The following SAA1 variants were observed in gnomAD, a reference collection of about 807,000 sequenced individuals.
SAA1 encodes the protein serum amyloid A1.
SAA1 carries 4 observed loss-of-function variants against 9.8 expected under a neutral mutation model. The observed-to-expected ratio is 0.41, with a 90% CI of 0.20 to 0.93. The LOEUF (loss-of-function observed/expected upper bound fraction) is 0.93. SAA1 is among the 40% of genes least tolerant of loss of function. SAA1 has a pLI of 0.33. For missense variants in SAA1, 114 were observed against 155.5 expected (o/e 0.73, Z 1.42); for synonymous variants, 47 against 57.7 (o/e 0.82, Z 0.84).
intron 2 of SAA1, among the ~76,000 whole-genome samples, chr11:18,268,856 A>AG: frequency 1.6e-5 from 1 of 63,656 alleles, no homozygotes; most frequent in South Asian, 4.4e-4. Context: ...AAAAAAAAAA[A>AG]AAAAAAAGAA....
At chr11:18,268,378 A>T (rs1858098741) in intron 2 of SAA1, among the ~76,000 whole-genome samples, 1 of 151,448 alleles carries the variant, frequency 6.6e-6, no homozygotes, top group African/African-American at 2.4e-5. Flanking sequence ...TCTAAAAAAA[A>T]TGAAAAAGAA....
chr11:18,269,444 T>C, intron 3 of SAA1, 111 bp downstream of exon 3: 4 of 1,533,168 alleles, frequency 2.6e-6, no homozygotes, highest in Middle Eastern at 3.6e-4. Flanking sequence ...CGGCCCCTCC[T>C]CCTCTTGCCC....
chr11:18,266,681 T>C (rs1233196860), intron 1 of SAA1, among the ~76,000 whole-genome samples: 1 of 152,050 alleles, frequency 6.6e-6, no homozygotes, highest in East Asian at 1.9e-4. Context: ...GGCATCCTCT[T>C]ATGCAGTCAG....
In SAA1 at chr11:18,267,755, C is replaced by T. The variant is rs1858077370; in HGVS notation, c.91+777C>T. ...TTTCTCATTTAGTTTCAGAATGACT[C>T]TGTGACGCAATCTTCCTCTCTTGGA... On this transcript the variant is annotated intron_variant, in intron 2 of 3. Transcript: ENST00000356524. 1.8e-5 allele frequency among the ~76,000 whole-genome samples: 2 copies of T among 112,744 alleles called. 1 individual carries two copies. Among genetic ancestry groups the T allele is most frequent in the South Asian group, 5.6e-4 (2 of 3,594 alleles). The allele number at this position is 112,744 out of a possible 152,430, so 74.0% of individuals were successfully genotyped here. A position where few individuals can be genotyped will look rare whatever the true frequency, so the allele number is the denominator to read the frequency against.
chr11:18,269,201 G>A lies in SAA1; in HGVS notation c.98G>A (p.Arg33Gln), dbSNP rs774813564. Residue 33 changes from arginine (R) to glutamine (Q), a missense_variant, in exon 3 of 4, where the codon CGG becomes CAG. Around this residue, in one of 2 missense-constraint regions of SAA1, gnomAD observed 46 missense variants for 100.8 expected, o/e 0.46. Coordinates refer to ENST00000356524, the MANE Select transcript of SAA1 (RefSeq NM_199161.5). ...SFLGEAFDGA[R>Q]DMWRAYSDMR... ...CCTTTCCTTTCCTTTCCAGGGGCTCGGGACATGTGGAGAGCCTACTCTGAC... is the reference window on the plus strand; with the variant it reads ...CCTTTCCTTTCCTTTCCAGGGGCTCAGGACATGTGGAGAGCCTACTCTGAC... 1.7e-5 allele frequency: 27 copies of A among 1,583,136 alleles called. No individual in the cohort carries two copies. Among genetic ancestry groups the A allele is most frequent in the East Asian group, 1.6e-4 (7 of 44,800 alleles).
At chr11:18,269,068 G>T in intron 2 of SAA1, 127 bp from the exon 3 acceptor site, 1 of 1,428,898 alleles carries the variant, frequency 7.0e-7, no homozygotes, top group Non-Finnish European at 9.4e-7. Context: ...GGTATCCAAG[G>T]CTGCTATGAT....
At position 18,269,937 on chromosome 11, in the gene SAA1, T is replaced by A. The variant is rs1439491333; in HGVS notation, c.*82T>A. On this transcript the variant is annotated 3_prime_UTR_variant, in exon 4 of 4. Transcript: ENST00000356524. ...TACAAAGCGGGGAGAGGGTACACAATGGGTATCTAATAAATACTTAAGAGG... is the reference window on the plus strand; with the variant it reads ...TACAAAGCGGGGAGAGGGTACACAAAGGGTATCTAATAAATACTTAAGAGG... The A allele has an allele frequency of 8.9e-6, 14 of 1,581,586 alleles. No individual in the cohort carries two copies. Among genetic ancestry groups the A allele is most frequent in the Admixed American group, 1.8e-5 (1 of 56,692 alleles).
intron 2 of SAA1, among the ~76,000 whole-genome samples, chr11:18,268,710 G>A (rs1308991819): frequency 1.3e-5 from 2 of 152,152 alleles, no homozygotes; most frequent in African/African-American, 4.8e-5. Flanking sequence ...GCGCATGCCT[G>A]TAATCTCAGC....
intron 3 of SAA1, 125 bp downstream of exon 3, chr11:18,269,458 C>A: frequency 6.6e-7 from 1 of 1,505,038 alleles, no homozygotes; most frequent in South Asian, 1.3e-5. Flanking sequence ...CTTGCCCTCT[C>A]TCTGCCTCTG....
Position 18,269,956 on chromosome 11 carries a change from TAAG to T in SAA1, c.*103_*105del. ...ACACAATGGGTATCTAATAAATACT[TAAG>T]AGGTGGAATTTGTGGAAACTGGGTG... On this transcript the variant is annotated 3_prime_UTR_variant, in exon 4 of 4. Transcript: ENST00000356524. 6.5e-7 allele frequency: 1 copy of T among 1,547,986 alleles called. No individual in the cohort carries two copies. The highest frequency in any genetic ancestry group is 1.4e-5 in the African/African-American group (1 of 73,196).
chr11:18,269,912 T>C lies in SAA1; in HGVS notation c.*57T>C. On this transcript the variant is annotated 3_prime_UTR_variant, in exon 4 of 4. Transcript: ENST00000356524. Reference sequence around the variant, plus strand: ...GGCTGTGAGGCCCTCAGGGCAGGGATACAAAGCGGGGAGAGGGTACACAAT... The same window carrying C: ...GGCTGTGAGGCCCTCAGGGCAGGGACACAAAGCGGGGAGAGGGTACACAAT... 10 of 1,605,316 alleles carry C rather than the reference T, an allele frequency of 6.2e-6. No homozygotes were observed. In the East Asian group the frequency reaches 1.8e-4, roughly 29 times the overall value.
At chr11:18,268,249 GTA>G (rs1344231253) in intron 2 of SAA1, among the ~76,000 whole-genome samples, 1 of 152,100 alleles carries the variant, frequency 6.6e-6, no homozygotes, top group Non-Finnish European at 1.5e-5. Flanking sequence ...GCAGGCACCT[GTA>G]ATCCCAGCTA....
rs1228585438 is a variant in SAA1, at chr11:18,267,749, A to G, written c.91+771A>G. Among the ~76,000 whole-genome samples the G allele has an allele frequency of 2.7e-5, 3 of 112,694 alleles. 1 individual carries two copies. Among genetic ancestry groups the G allele is most frequent in the Non-Finnish European group, 6.0e-5 (3 of 49,846 alleles). 73.9% of individuals were successfully genotyped at this position (112,694 alleles called of 152,430 possible). A position where few individuals can be genotyped will look rare whatever the true frequency, so the allele number is the denominator to read the frequency against. Reference sequence around the variant, plus strand: ...CAGCATTTTCTCATTTAGTTTCAGAATGACTCTGTGACGCAATCTTCCTCT... The same window carrying G: ...CAGCATTTTCTCATTTAGTTTCAGAGTGACTCTGTGACGCAATCTTCCTCT... On this transcript the variant is annotated intron_variant, in intron 2 of 3. Transcript: ENST00000356524.
chr11:18,267,380 C>T (rs1177505320), intron 2 of SAA1, among the ~76,000 whole-genome samples: 1 of 55,246 alleles, frequency 1.8e-5, no homozygotes, highest in Non-Finnish European at 3.7e-5. Context: ...AGCTGCTAAA[C>T]AGATTAGAGA....
rs1858158399 is a variant in SAA1, at chr11:18,269,620, C to T, written c.231-97C>T. 2.6e-6 allele frequency: 4 copies of T among 1,525,564 alleles called. No homozygotes were observed. In the Admixed American group the frequency reaches 7.2e-5, roughly 28 times the overall value. 94.5% of individuals were successfully genotyped at this position (1,525,564 alleles called of 1,614,324 possible). ...CCTCCTTCCTTGGCCTTTCTGGGCT[C>T]CTCTCTGAGCCCTCCCTTGGAACAG... On this transcript the variant is annotated intron_variant, in intron 3 of 3. Coordinates refer to ENST00000356524, the MANE Select transcript of SAA1 (RefSeq NM_199161.5).
chr11:18,268,161 A>G (rs1035730133), intron 2 of SAA1, among the ~76,000 whole-genome samples: 33 of 151,648 alleles, frequency 2.2e-4, no homozygotes, highest in African/African-American at 7.5e-4. Context: ...ACTTGAGGTC[A>G]TGAGTTCCGG....
chr11:18,269,285 A>T lies in SAA1; in HGVS notation c.182A>T (p.Asp61Val), dbSNP rs1301089150. The T allele has an allele frequency of 5.7e-6, 9 of 1,585,696 alleles. No individual in the cohort carries two copies. Among genetic ancestry groups the T allele is most frequent in the Non-Finnish European group, 7.7e-6 (9 of 1,164,414 alleles). The change falls in exon 3 of 4, where the codon GAT becomes GTT. Residue 61 changes from aspartate to valine, a missense_variant. By Grantham distance (152) the Asp-to-Val change is radical. This residue lies in a region of SAA1 where 46 missense variants were observed against 100.8 expected (regional missense o/e 0.46). Coordinates refer to ENST00000356524, the MANE Select transcript of SAA1 (RefSeq NM_199161.5). ...DKYFHARGNYDAAKRGPGGAW... is the reference protein window; with the variant it reads ...DKYFHARGNYVAAKRGPGGAW... ...TACTTCCATGCTCGGGGGAACTATG[A>T]TGCTGCCAAAAGGGGACCTGGGGGT...
chr11:18,269,741 A>G lies in SAA1; in HGVS notation c.255A>G (p.Arg85=). The change falls in exon 4 of 4, where the codon AGA becomes AGG. Residue 85 remains arginine (R), a synonymous_variant. Coordinates refer to ENST00000356524, the MANE Select transcript of SAA1 (RefSeq NM_199161.5). ...GCGATGCCAGAGAGAATATCCAGAG[A>G]TTCTTTGGCCATGGTGCGGAGGACT... ...VITDARENIQ[R]FFGHGAEDSL... is the part of the protein sequence containing the mutation. 1 of 1,613,998 alleles carries G rather than the reference A, an allele frequency of 6.2e-7. No homozygotes were observed. Among genetic ancestry groups the G allele is most frequent in the African/African-American group, 1.3e-5 (1 of 75,030 alleles).
Position 18,269,782 on chromosome 11 carries a change from C to G in SAA1, c.296C>G (p.Ala99Gly), listed in dbSNP as rs1858167355. ...HGAEDSLADQAANEWGRSGKD... is the reference protein window; with the variant it reads ...HGAEDSLADQGANEWGRSGKD... ...GCGGAGGACTCGCTGGCTGATCAGG[C>G]TGCCAATGAATGGGGCAGGAGTGGC... The change falls in exon 4 of 4, where the codon GCT (alanine) becomes GGT (glycine). Residue 99 changes from alanine (A) to glycine (G), a missense_variant. Around this residue, in one of 2 missense-constraint regions of SAA1, gnomAD observed 68 missense variants for 54.7 expected, o/e 1.24. Transcript: ENST00000356524. 3.1e-6 allele frequency: 5 copies of G among 1,614,106 alleles called. No individual in the cohort carries two copies.
Sources: gnomAD v4.1 joint callset for allele counts (sites outside exome capture counted in the v4.1 genomes callset) on GRCh38, gnomAD v4.1.1 for gene constraint, gnomAD v4.1.1 regional missense constraint, MANE v1.5 for transcripts, NCBI Gene and HGNC (gene_info 2026-07-23, HGNC 2026-07-21) for gene names.